Variants in SLC9B2 observed in about 807,000 individuals in gnomAD.
SLC9B2 encodes solute carrier family 9 member B2.
SLC9B2 carries 39 observed loss-of-function variants against 52.2 expected under a neutral mutation model. The observed-to-expected ratio is 0.75, with a 90% CI of 0.58 to 0.98. The LOEUF is 0.98. Ranked by LOEUF, SLC9B2 falls within the 50% of genes least tolerant of loss-of-function variation. SLC9B2 has a pLI of 0.00. For missense variants in SLC9B2, 626 were observed against 637.5 expected, an observed-to-expected ratio of 0.98 and a Z score of 0.19; for synonymous variants, 214 against 227.0, an observed-to-expected ratio of 0.94 and a Z score of 0.51.
intron 9 of SLC9B2, among the ~76,000 whole-genome samples, chr4:103,034,363 T>C (rs943988444): frequency 6.6e-6 from 1 of 152,030 alleles, no homozygotes; most frequent in African/African-American, 2.4e-5. Flanking sequence ...CTAGAAGATC[T>C]AGGAAATACC....
rs1201223540 is a variant in SLC9B2 at position 103,025,282 on chromosome 4, G to C, written c.*1088C>G. 6.6e-6 allele frequency among the ~76,000 whole-genome samples: 1 copy of C among 152,172 alleles called. No homozygotes were observed. Among genetic ancestry groups the C allele is most frequent in the Admixed American group, 6.5e-5 (1 of 15,282 alleles). On this transcript the variant is annotated 3_prime_UTR_variant, in exon 12 of 12. Transcript: ENST00000394785. ...ATGCCTAGTGTTCCATTATTAGAAT[G>C]CTAAGCCTGTGGGAGTTATTTATAT...
chr4:103,065,180 G>GCACGCACACACA (rs1746008895), intron 3 of SLC9B2, among the ~76,000 whole-genome samples: 1 of 145,072 alleles, frequency 6.9e-6, no homozygotes, highest in African/African-American at 2.5e-5. Flanking sequence ...GTACACACAC[G>GCACGCACACACA]CACACACACA....
chr4:103,069,169 G>A (rs1001126834), intron 1 of SLC9B2, among the ~76,000 whole-genome samples: 29 of 152,134 alleles, frequency 1.9e-4, no homozygotes, highest in African/African-American at 5.5e-4. Context: ...GTCACTTGAT[G>A]AGAAAATGTT....
rs767665743 is a variant in SLC9B2 at position 103,067,577 on chromosome 4, G to A, written c.-27C>T. ...ATTTATAATTAAGAAGATGACACAG[G>A]GAAGAGGAACGAGATCTGTTTTGAA... On this transcript the variant is annotated 5_prime_UTR_variant, in exon 2 of 12. Transcript: ENST00000394785. 2.6e-6 allele frequency: 4 copies of A among 1,530,800 alleles called. No individual in the cohort carries two copies. The highest frequency in any genetic ancestry group is 3.6e-6 in the Non-Finnish European group (4 of 1,105,800). 94.8% of individuals were successfully genotyped at this position (1,530,800 alleles called of 1,614,324 possible). A position where few individuals can be genotyped will look rare whatever the true frequency, so the allele number is the denominator to read the frequency against.
At chr4:103,034,245 C>T (rs1742958036) in intron 9 of SLC9B2, among the ~76,000 whole-genome samples, 1 of 152,088 alleles carries the variant, frequency 6.6e-6, no homozygotes, top group Non-Finnish European at 1.5e-5. Context: ...GGATAACTGG[C>T]TAACCATATG....
In SLC9B2 at chr4:103,044,789, G is replaced by A; in HGVS notation, c.996+101C>T. On this transcript the variant is annotated intron_variant, in intron 8 of 11. Coordinates refer to ENST00000394785, the MANE Select transcript of SLC9B2 (RefSeq NM_178833.7). ...GCAATTTTAAAATGAGGAACCATTTGCTCAAACATGTCCTTCACATCTGTC... is the reference window on the plus strand; with the variant it reads ...GCAATTTTAAAATGAGGAACCATTTACTCAAACATGTCCTTCACATCTGTC... 4.3e-6 allele frequency: 4 copies of A among 931,430 alleles called. No individual in the cohort carries two copies. In the East Asian group the frequency reaches 9.7e-5, roughly 23 times the overall value. The allele number at this position is 931,430 out of a possible 1,614,324, so 57.7% of individuals were successfully genotyped here.
intron 7 of SLC9B2, among the ~76,000 whole-genome samples, chr4:103,046,030 A>G (rs1211436677): frequency 6.6e-6 from 1 of 152,236 alleles, no homozygotes; most frequent in Non-Finnish European, 1.5e-5. Context: ...AAGTAATGTA[A>G]TGAAAACAAT....
chr4:103,074,921 T>C (rs1443841882), intron 1 of SLC9B2, among the ~76,000 whole-genome samples: 2 of 152,244 alleles, frequency 1.3e-5, no homozygotes, highest in Non-Finnish European at 2.9e-5. Context: ...TCCTCTCTGA[T>C]GATTCATTCA....
chr4:103,045,979 T>C (rs1744085998), intron 7 of SLC9B2, among the ~76,000 whole-genome samples: 1 of 152,106 alleles, frequency 6.6e-6, no homozygotes, highest in Non-Finnish European at 1.5e-5. Context: ...TGAATTTGAC[T>C]TAATAGGTAA....
At position 103,066,422 on chromosome 4, in the gene SLC9B2, A is replaced by C. The variant is rs750855571; in HGVS notation, c.176T>G (p.Leu59Arg). ...SILLKSSEKK[L>R]QETPTEANHV... ...ATTTGCTTCAGTTGGTGTTTCTTGT[A>C]GCTTTTTTTCACTGCTTTTCAAAAG... The change falls in exon 3 of 12, where the codon CTA (leucine) becomes CGA (arginine). Residue 59 changes from leucine (L) to arginine (R), a missense_variant. Coordinates refer to ENST00000394785, the MANE Select transcript of SLC9B2 (RefSeq NM_178833.7). 1 of 1,613,922 alleles carries C rather than the reference A, an allele frequency of 6.2e-7. No homozygotes were observed. The highest frequency in any genetic ancestry group is 1.1e-5 in the South Asian group (1 of 91,058).
At chr4:103,032,992 C>A (rs898200346) in intron 9 of SLC9B2, among the ~76,000 whole-genome samples, 5 of 152,258 alleles carry the variant, frequency 3.3e-5, no homozygotes, top group African/African-American at 1.2e-4. Flanking sequence ...CTAGCCAATA[C>A]CTTGTTACTG....
chr4:103,026,713 G>C (rs1578435612), intron 11 of SLC9B2, 122 bp from the exon 12 acceptor site: 1 of 852,110 alleles, frequency 1.2e-6, no homozygotes, highest in East Asian at 2.7e-5. Flanking sequence ...AAAGTTGTAA[G>C]CATCAGGAGA....
At chr4:103,058,315 CT>C (rs201756479) in intron 3 of SLC9B2, among the ~76,000 whole-genome samples, 4 of 152,146 alleles carry the variant, frequency 2.6e-5, no homozygotes, top group Non-Finnish European at 5.9e-5. Flanking sequence ...ATTATTGTTA[CT>C]TTTTTTATAG....
chr4:103,055,355 T>C (rs1045160196), intron 4 of SLC9B2, among the ~76,000 whole-genome samples: 1 of 152,136 alleles, frequency 6.6e-6, no homozygotes, highest in African/African-American at 2.4e-5. Context: ...AACCTGCACG[T>C]TGTGCACATG....
At position 103,048,526 on chromosome 4, in the gene SLC9B2, G is replaced by A. The variant is rs78981762; in HGVS notation, c.713+367C>T. 7.1e-3 allele frequency: 1,131 copies of A among 158,662 alleles called. 16 individuals are homozygous for A. The highest frequency in any genetic ancestry group is 0.026 in the African/African-American group (1,076 of 41,700). 9.8% of individuals were successfully genotyped at this position (158,662 alleles called of 1,614,324 possible). On this transcript the variant is annotated intron_variant, in intron 6 of 11. Coordinates refer to ENST00000394785, the MANE Select transcript of SLC9B2 (RefSeq NM_178833.7). ...AGTGGAACGAAGAGACAGCAGAACTGCCAAGTCATAATAGTCTGGTGACAG... is the reference window on the plus strand; with the variant it reads ...AGTGGAACGAAGAGACAGCAGAACTACCAAGTCATAATAGTCTGGTGACAG...
In SLC9B2 at chr4:103,046,651, ATTTTGTGTGAAGTCTCCACACATC is replaced by A. The variant is rs1346949437; in HGVS notation, c.889+376_889+399del. 1.8e-3 allele frequency among the ~76,000 whole-genome samples: 199 copies of A among 110,338 alleles called. 8 individuals carry two copies. Among genetic ancestry groups the A allele is most frequent in the East Asian group, 0.011 (40 of 3,666 alleles). The allele number at this position is 110,338 out of a possible 152,430, so 72.4% of individuals were successfully genotyped here. ...TGTGCTCCTTGAAAAACCCACTCAT[ATTTTGTGTGAAGTCTCCACACATC>A]TTTTGTGTGAAGTCTCCACACATCT... On this transcript the variant is annotated intron_variant, in intron 7 of 11. Coordinates refer to ENST00000394785, the MANE Select transcript of SLC9B2 (RefSeq NM_178833.7).
At chr4:103,058,930 G>A (rs2110641546) in intron 3 of SLC9B2, among the ~76,000 whole-genome samples, 1 of 152,150 alleles carries the variant, frequency 6.6e-6, no homozygotes, top group Non-Finnish European at 1.5e-5. Flanking sequence ...ATCTGGGTAT[G>A]GTGGTGGGCA....
chr4:103,041,476 G>T (rs1243048721), intron 9 of SLC9B2, among the ~76,000 whole-genome samples: 1 of 152,164 alleles, frequency 6.6e-6, no homozygotes, highest in African/African-American at 2.4e-5. Context: ...AATCGGAAGT[G>T]ATCAGTTTCC....
At chr4:103,060,543 T>G (rs1310358574) in intron 3 of SLC9B2, among the ~76,000 whole-genome samples, 2 of 46,352 alleles carry the variant, frequency 4.3e-5, no homozygotes, top group African/African-American at 2.8e-4. Flanking sequence ...TTTTGTTTGT[T>G]TTTTTTTTTT....
Sources: gnomAD v4.1 joint callset for allele counts (sites outside exome capture counted in the v4.1 genomes callset) on GRCh38, gnomAD v4.1.1 for gene constraint, MANE v1.5 for transcripts, NCBI Gene and HGNC (gene_info 2026-07-23, HGNC 2026-07-21) for gene names.